Variants in PIEZO2 observed in about 807,000 individuals in gnomAD.
PIEZO2 encodes the protein piezo type mechanosensitive ion channel component 2, also known as piezo-type mechanosensitive ion channel component 2.
PIEZO2 carries 172 observed loss-of-function variants against 337.3 expected under a neutral mutation model. That is an observed-to-expected ratio of 0.51 (90% CI 0.45 to 0.58). The LOEUF (loss-of-function observed/expected upper bound fraction) is 0.58. Among genes scored for constraint, PIEZO2 ranks in the 20% least tolerant of loss-of-function variants. The probability of loss-of-function intolerance (pLI) is 0.00; values close to 1 mark genes in which losing one functional copy is unlikely to be tolerated. For synonymous variants in PIEZO2, 1,251 were observed against 1,228.5 expected (o/e 1.02, Z -0.38); for missense variants, 3,028 against 3,391.3 (o/e 0.89, Z 2.66).
At chr18:10,689,233 G>T (rs1297586661) in intron 49 of PIEZO2, among the ~76,000 whole-genome samples, 1 of 152,054 alleles carries the variant, frequency 6.6e-6, no homozygotes, top group African/African-American at 2.4e-5. Flanking sequence ...GCAGATATTT[G>T]CACTTCAATT....
rs992875185 is a variant in PIEZO2 at position 10,716,974 on chromosome 18, C to T, written c.5090-1158G>A. On this transcript the variant is annotated intron_variant, in intron 37 of 55. Transcript: ENST00000674853. The surrounding 1 kb of genome is among the most constrained non-coding windows in gnomAD (Gnocchi z 4.1). The stretch of plus-strand genomic sequence containing the variant: ...ACAGGCGCTTTGTGAACCTGGGTGA[C>T]GACTCACCAACAGGGAAAGTGAGGA... Among the ~76,000 whole-genome samples, 4 of 152,104 alleles carry T rather than the reference C, an allele frequency of 2.6e-5. No individual in the cohort carries two copies. Among genetic ancestry groups the T allele is most frequent in the East Asian group, 1.9e-4 (1 of 5,180 alleles).
At chr18:10,918,980 T>C (rs1418402885) in intron 3 of PIEZO2, among the ~76,000 whole-genome samples, 2 of 152,094 alleles carry the variant, frequency 1.3e-5, no homozygotes, top group Admixed American at 6.6e-5. Context: ...TATAAGTATA[T>C]GTAAAATTTT....
chr18:11,014,949 G>A (rs1215206050), intron 2 of PIEZO2, among the ~76,000 whole-genome samples: 14 of 141,226 alleles, frequency 9.9e-5, no homozygotes, highest in African/African-American at 3.5e-4. Context: ...ATTCCTCAGC[G>A]GGGAACATGT....
Position 10,863,216 on chromosome 18 carries a change from T to C in PIEZO2, c.493-6005A>G, listed in dbSNP as rs2041921062. On this transcript the variant is annotated intron_variant, in intron 5 of 55. Transcript: ENST00000674853. This position sits in a 1 kb window ranked among gnomAD's most constrained non-coding sequence, Gnocchi z 4.3. ...GAGCCAGAGGAAGGAAAAGACAAGG[T>C]TGTGACTCACTGCAGAAGATGAATT... 6.6e-6 allele frequency among the ~76,000 whole-genome samples: 1 copy of C among 152,114 alleles called. No individual in the cohort carries two copies. The highest frequency in any genetic ancestry group is 1.5e-5 in the Non-Finnish European group (1 of 68,018).
In PIEZO2 at chr18:10,761,024, C is replaced by T. The variant is rs1249752278; in HGVS notation, c.3337G>A (p.Ala1113Thr). The T allele has an allele frequency of 9.1e-6, 14 of 1,536,620 alleles. No individual in the cohort carries two copies. The highest frequency in any genetic ancestry group is 2.0e-5 in the Admixed American group (1 of 50,978). The change falls in exon 24 of 56, where the codon GCC becomes ACC. Residue 1113 changes from alanine to threonine, a missense_variant. Ala to Thr is a moderately conservative substitution (Grantham distance 58). This residue lies in a region of PIEZO2 where 1,925 missense variants were observed against 2,051.9 expected (regional missense o/e 0.94). Coordinates refer to ENST00000674853, the MANE Select transcript of PIEZO2 (RefSeq NM_001378183.1). Reference protein sequence around the residue: ...EYYRGRNNLTAPVSRTIFHDI... With the variant: ...EYYRGRNNLTTPVSRTIFHDI... ...TGAAAGATAGTTCTAGACACAGGGG[C>T]CGTCAGGTTATTTCGACCTCGATAG...
rs1324156227 is a variant in PIEZO2, at chr18:11,143,221, T to G, written c.64+5304A>C. Among the ~76,000 whole-genome samples the G allele has an allele frequency of 6.6e-6, 1 of 152,234 alleles. No individual in the cohort carries two copies. Among genetic ancestry groups the G allele is most frequent in the Non-Finnish European group, 1.5e-5 (1 of 68,044 alleles). Reference sequence around the variant, plus strand: ...TCTTATAAGCTGTAATGTTGTAGATTATACACATGGTATCATATTGTTCTT... The same window carrying G: ...TCTTATAAGCTGTAATGTTGTAGATGATACACATGGTATCATATTGTTCTT... On this transcript the variant is annotated intron_variant, in intron 1 of 55. Coordinates refer to ENST00000674853, the MANE Select transcript of PIEZO2 (RefSeq NM_001378183.1). This position sits in a 1 kb window ranked among gnomAD's most constrained non-coding sequence, Gnocchi z 4.9.
intron 12 of PIEZO2, among the ~76,000 whole-genome samples, chr18:10,796,085 C>A (rs2039583894): frequency 6.6e-6 from 1 of 152,040 alleles, no homozygotes. Context: ...TTGCTGCTGG[C>A]CGGGCTTGGT....
rs2039776409 is a variant in PIEZO2, at chr18:10,800,543, C to T, written c.1240-68G>A. 47 of 1,445,398 alleles carry T rather than the reference C, an allele frequency of 3.3e-5. 2 individuals are homozygous for T. The South Asian group carries it at 6.5e-4, about 20-fold the overall frequency. 89.5% of individuals were successfully genotyped at this position (1,445,398 alleles called of 1,614,324 possible). ...TGGGTTTTCAATGCAGACATACCCC[C>T]ACTTCCCTTCCTCCACCCTAACTGA... On this transcript the variant is annotated intron_variant, in intron 10 of 55. Transcript: ENST00000674853.
Position 10,684,611 on chromosome 18 carries a change from C to T in PIEZO2, c.7498-2319G>A, listed in dbSNP as rs528984703. ...TCTCAAGTAGCTGGGACTACAGGCA[C>T]ACATCACCACACCCGACTAATTTTT... On this transcript the variant is annotated intron_variant, in intron 49 of 55. Coordinates refer to ENST00000674853, the MANE Select transcript of PIEZO2 (RefSeq NM_001378183.1). Among the ~76,000 whole-genome samples, 8 of 152,050 alleles carry T rather than the reference C, an allele frequency of 5.3e-5. No individual in the cohort carries two copies. In the East Asian group the frequency reaches 1.5e-3, roughly 29 times the overall value.
rs1278156894 is a variant in PIEZO2, at chr18:10,724,181, A to G, written c.5030-5922T>C. ...GGCTTAGAGGATTCCAGTAACCACC[A>G]TCTAGGTGGGTGTTTAAAACTCTTG... On this transcript the variant is annotated intron_variant, in intron 36 of 55. Transcript: ENST00000674853. This position sits in a 1 kb window ranked among gnomAD's most constrained non-coding sequence, Gnocchi z 5.8. 6.6e-6 allele frequency among the ~76,000 whole-genome samples: 1 copy of G among 152,142 alleles called. No homozygotes were observed.
intron 3 of PIEZO2, among the ~76,000 whole-genome samples, chr18:10,911,696 G>A (rs2030490615): frequency 6.6e-6 from 1 of 152,202 alleles, no homozygotes; most frequent in Non-Finnish European, 1.5e-5. Flanking sequence ...AGAGGTTGCA[G>A]TGAGTCAAGA....
At chr18:11,114,408 G>A (rs774164482) in intron 1 of PIEZO2, among the ~76,000 whole-genome samples, 20 of 152,232 alleles carry the variant, frequency 1.3e-4, no homozygotes, top group Non-Finnish European at 2.6e-4. Context: ...GCTCACGCCT[G>A]TAATCCCAGC....
Position 11,116,579 on chromosome 18 carries a change from G to C in PIEZO2, c.64+31946C>G, listed in dbSNP as rs1454929929. Among the ~76,000 whole-genome samples, 1 of 152,018 alleles carries C rather than the reference G, an allele frequency of 6.6e-6. No individual in the cohort carries two copies. Among genetic ancestry groups the C allele is most frequent in the Non-Finnish European group, 1.5e-5 (1 of 68,028 alleles). The stretch of plus-strand genomic sequence containing the variant: ...AAAATTAAAAAATTAGCCGGGCGTG[G>C]TGGCGGGGGGCCTGTAGTCCCAGCT... On this transcript the variant is annotated intron_variant, in intron 1 of 55. Coordinates refer to ENST00000674853, the MANE Select transcript of PIEZO2 (RefSeq NM_001378183.1). This position sits in a 1 kb window ranked among gnomAD's most constrained non-coding sequence, Gnocchi z 5.0.
rs938009432 is a variant in PIEZO2 at position 10,767,875 on chromosome 18, G to A, written c.2946+2273C>T. Among the ~76,000 whole-genome samples, 12 of 152,156 alleles carry A rather than the reference G, an allele frequency of 7.9e-5. No individual in the cohort carries two copies. Among genetic ancestry groups the A allele is most frequent in the African/African-American group, 2.2e-4 (9 of 41,446 alleles). On this transcript the variant is annotated intron_variant, in intron 21 of 55. Transcript: ENST00000674853. The surrounding 1 kb of genome is among the most constrained non-coding windows in gnomAD (Gnocchi z 4.2). ...AAGAGTGGCTGTGGGATGCCCCACCGTGGAGCCTCCAGGAGGGCAAGGGCA... is the reference window on the plus strand; with the variant it reads ...AAGAGTGGCTGTGGGATGCCCCACCATGGAGCCTCCAGGAGGGCAAGGGCA...
intron 1 of PIEZO2, among the ~76,000 whole-genome samples, chr18:11,121,720 T>A (rs1012604507): frequency 1.3e-5 from 2 of 152,200 alleles, no homozygotes; most frequent in Non-Finnish European, 2.9e-5. Context: ...AAGGTCAAAG[T>A]CTTCTCTGAT....
intron 4 of PIEZO2, among the ~76,000 whole-genome samples, chr18:10,898,298 G>C (rs2042955724): frequency 6.6e-6 from 1 of 152,190 alleles, no homozygotes; most frequent in African/African-American, 2.4e-5. Flanking sequence ...GCAGGTGCCT[G>C]TAGTCCCAGC....
chr18:10,760,386 C>T (rs374367535), intron 24 of PIEZO2, among the ~76,000 whole-genome samples: 1 of 152,174 alleles, frequency 6.6e-6, no homozygotes, highest in Non-Finnish European at 1.5e-5. Flanking sequence ...CTCACTGCAA[C>T]CTCTGCCTCC....
chr18:10,947,441 A>G (rs1349974537), intron 3 of PIEZO2, among the ~76,000 whole-genome samples: 4 of 152,210 alleles, frequency 2.6e-5, no homozygotes, highest in African/African-American at 7.2e-5. Context: ...ATGAAGGGGA[A>G]ATAAAGAGAT....
At chr18:10,937,626 C>A (rs960857894) in intron 3 of PIEZO2, among the ~76,000 whole-genome samples, 1 of 152,184 alleles carries the variant, frequency 6.6e-6, no homozygotes, top group African/African-American at 2.4e-5. Context: ...ATTAAAACAT[C>A]AAGCTGGATT....
Sources: allele counts gnomAD v4.1 joint callset (sites outside exome capture counted in the v4.1 genomes callset), GRCh38; gene constraint gnomAD v4.1.1; regional missense constraint gnomAD v4.1.1; non-coding constraint Gnocchi (gnomAD v3.1); transcripts MANE v1.5; gene names NCBI Gene and HGNC (gene_info 2026-07-23, HGNC 2026-07-21).